PHLDB2: variants seen among roughly 807,000 people sequenced by gnomAD.
PHLDB2 encodes pleckstrin homology like domain family B member 2.
PHLDB2 carries 71 observed loss-of-function variants against 123.6 expected under a neutral mutation model. That is an observed-to-expected ratio of 0.57 (90% CI 0.47 to 0.70). The LOEUF is 0.70. Among genes scored for constraint, PHLDB2 ranks in the 30% least tolerant of loss-of-function variants. The pLI is 0.00. For synonymous variants in PHLDB2, 547 were observed against 541.6 expected, an observed-to-expected ratio of 1.01 and a Z score of -0.14; for missense variants, 1,446 against 1,519.5, an observed-to-expected ratio of 0.95 and a Z score of 0.80.
At chr3:111,895,801 A>G (rs963111204) in intron 2 of PHLDB2, among the ~76,000 whole-genome samples, 1 of 152,160 alleles carries the variant, frequency 6.6e-6, no homozygotes, top group Non-Finnish European at 1.5e-5. Flanking sequence ...GTGAGCCGAG[A>G]TCGAGCCATT....
chr3:111,934,728 G>A (rs990148921), intron 6 of PHLDB2, among the ~76,000 whole-genome samples: 2 of 152,132 alleles, frequency 1.3e-5, no homozygotes, highest in African/African-American at 2.4e-5. Context: ...AGCAATCCCT[G>A]GGTTACTAAT....
At chr3:111,834,227 TATTATG>T (rs1559858248) in intron 1 of PHLDB2, among the ~76,000 whole-genome samples, 11 of 97,276 alleles carry the variant, frequency 1.1e-4, no homozygotes, top group East Asian at 7.1e-4. Context: ...ATTATATATA[TATTATG>T]TATATAATAG....
At chr3:111,823,680 G>A (rs1559850256) in intron 1 of PHLDB2, among the ~76,000 whole-genome samples, 1 of 152,130 alleles carries the variant, frequency 6.6e-6, no homozygotes, top group South Asian at 2.1e-4. Flanking sequence ...ACAGACAATT[G>A]TACAATCACG....
At chr3:111,732,524 A>T in exon 1 of PHLDB2, 1 of 1,128,798 alleles carries the variant, frequency 8.9e-7, no homozygotes. Flanking sequence ...GGCCAGAGAG[A>T]GCAGGAAAGG....
intron 1 of PHLDB2, among the ~76,000 whole-genome samples, chr3:111,794,097 C>T: frequency 6.6e-6 from 1 of 151,994 alleles, no homozygotes; most frequent in African/African-American, 2.4e-5. Flanking sequence ...GTCCTTGTGG[C>T]CTAGACTGCC....
At chr3:111,974,289 A>G in intron 17 of PHLDB2, 134 bp from the exon 18 acceptor site, 1 of 808,656 alleles carries the variant, frequency 1.2e-6, no homozygotes, top group Non-Finnish European at 1.8e-6. Flanking sequence ...TGTGTGAGTT[A>G]TAGTAGAGCA....
chr3:111,753,809 C>G (rs1428666029), intron 1 of PHLDB2, among the ~76,000 whole-genome samples: 2 of 152,140 alleles, frequency 1.3e-5, no homozygotes, highest in African/African-American at 2.4e-5. Flanking sequence ...TTTAATCCAT[C>G]TTGAATTAAT....
chr3:111,882,493 C>G (rs1236114811), intron 1 of PHLDB2, among the ~76,000 whole-genome samples: 1 of 152,138 alleles, frequency 6.6e-6, no homozygotes, highest in Non-Finnish European at 1.5e-5. Context: ...GAAATGAAAG[C>G]CTTACCAAGA....
chr3:111,783,271 G>A lies in PHLDB2; in HGVS notation c.-49+50568G>A, dbSNP rs548750147. Among the ~76,000 whole-genome samples the A allele has an allele frequency of 6.6e-5, 10 of 152,106 alleles. No individual in the cohort carries two copies. The East Asian group carries it at 7.7e-4, about 12-fold the overall frequency. On this transcript the variant is annotated intron_variant, in intron 1 of 17. Transcript: ENST00000393923. ...GGGGCAATAGCAGAAGAGCCAACAC[G>A]TGATAACCTTTGCTTATAATATTCT... is the stretch of plus-strand genomic sequence containing the variant.
intron 1 of PHLDB2, among the ~76,000 whole-genome samples, chr3:111,774,579 A>T (rs1165860862): frequency 6.6e-6 from 1 of 152,116 alleles, no homozygotes; most frequent in East Asian, 1.9e-4. Flanking sequence ...AGTGGTTTTC[A>T]TGGTTTTTTT....
intron 1 of PHLDB2, among the ~76,000 whole-genome samples, chr3:111,870,032 T>C (rs7646340): frequency 0.048 from 7,379 of 152,266 alleles, 425 homozygotes; most frequent in African/African-American, 0.13. Context: ...ATAAGGAGAC[T>C]ATGTCTACTA....
intron 2 of PHLDB2, among the ~76,000 whole-genome samples, chr3:111,849,470 C>G (rs768864493): frequency 6.6e-6 from 1 of 152,172 alleles, no homozygotes; most frequent in African/African-American, 2.4e-5. Context: ...TGTGCCAGGC[C>G]AAAGTTCTGA....
intron 1 of PHLDB2, among the ~76,000 whole-genome samples, chr3:111,841,594 A>G (rs1021578257): frequency 6.6e-6 from 1 of 152,132 alleles, no homozygotes; most frequent in East Asian, 1.9e-4. Context: ...GAATAAAGAG[A>G]TGCGTTTTCT....
intron 1 of PHLDB2, among the ~76,000 whole-genome samples, chr3:111,876,070 T>C (rs777218431): frequency 1.1e-3 from 165 of 152,304 alleles, no homozygotes; most frequent in African/African-American, 3.8e-3. Context: ...GTTATTGTTA[T>C]TATTGCTGTG....
At chr3:111,958,985 C>T (rs895142907) in intron 12 of PHLDB2, among the ~76,000 whole-genome samples, 6 of 152,210 alleles carry the variant, frequency 3.9e-5, no homozygotes, top group East Asian at 3.8e-4. Flanking sequence ...AACTGTGGTG[C>T]ACAGGACATC....
rs540561779 is a variant in PHLDB2 at position 111,845,688 on chromosome 3, C to A, written c.-48-133C>A. 3 of 1,011,854 alleles carry A rather than the reference C, an allele frequency of 3.0e-6. No homozygotes were observed. In the African/African-American group the frequency reaches 4.8e-5, roughly 16 times the overall value. 62.7% of individuals were successfully genotyped at this position (1,011,854 alleles called of 1,614,324 possible). ...AGAGTGATCCAGGACGTCTGTTTTT[C>A]AACTTCAGCAGTAGTTAGTTTCCCC... On this transcript the variant is annotated intron_variant, in intron 1 of 17. Transcript: ENST00000393923.
chr3:111,945,320 G>C lies in PHLDB2; in HGVS notation c.2450G>C (p.Gly817Ala), dbSNP rs1276893122. ...AAGAAATACTCCAGCCTCTCTGGGGGGAAAGGGTTTCCCGTTAACCCCAAT... is the reference window on the plus strand; with the variant it reads ...AAGAAATACTCCAGCCTCTCTGGGGCGAAAGGGTTTCCCGTTAACCCCAAT... ...LEKKYSSLSGGKGFPVNPNTL... is the reference protein window; with the variant it reads ...LEKKYSSLSGAKGFPVNPNTL... Residue 817 changes from glycine to alanine, a missense_variant, in exon 9 of 18, where the codon GGG becomes GCG. Gly to Ala is a moderately conservative substitution (Grantham distance 60, BLOSUM62 0). Around this residue, in one of 3 missense-constraint regions of PHLDB2, gnomAD observed 594 missense variants for 646.0 expected, o/e 0.92. Transcript: ENST00000431670. 3 of 1,610,446 alleles carry C rather than the reference G, an allele frequency of 1.9e-6. No homozygotes were observed. Among genetic ancestry groups the C allele is most frequent in the Non-Finnish European group, 2.5e-6 (3 of 1,177,268 alleles).
In PHLDB2 at chr3:111,884,548, G is replaced by C. The variant is rs766896787; in HGVS notation, c.471G>C (p.Ser157=). 1.9e-6 allele frequency: 3 copies of C among 1,614,080 alleles called. No individual in the cohort carries two copies. In the South Asian group the frequency reaches 3.3e-5, roughly 18 times the overall value. Residue 157 remains serine (S), a synonymous_variant, in exon 2 of 18, where the codon TCG becomes TCC. Transcript: ENST00000431670. Reference sequence around the variant, plus strand: ...CCAAATATAGCTCAAGGCATAAATCGCATGACAATGTCTACTCTCTTGGAG... The same window carrying C: ...CCAAATATAGCTCAAGGCATAAATCCCATGACAATGTCTACTCTCTTGGAG... ...PYSKYSSRHK[S]HDNVYSLGGL... is the part of the protein sequence containing the mutation.
At chr3:111,828,369 G>A (rs2062769412) in intron 1 of PHLDB2, among the ~76,000 whole-genome samples, 1 of 152,302 alleles carries the variant, frequency 6.6e-6, no homozygotes, top group East Asian at 1.9e-4. Context: ...GGAACTTCCA[G>A]TCTATCTGTC....
Sources: gnomAD v4.1 joint callset for allele counts (sites outside exome capture counted in the v4.1 genomes callset) on GRCh38, gnomAD v4.1.1 for gene constraint, gnomAD v4.1.1 regional missense constraint, MANE v1.5 for transcripts, NCBI Gene and HGNC (gene_info 2026-07-23, HGNC 2026-07-21) for gene names.